The following DPF3 variants were observed in gnomAD, a reference collection of about 807,000 sequenced individuals.
DPF3 encodes the protein zinc finger protein DPF3.
DPF3 carries 18 observed loss-of-function variants against 56.8 expected under a neutral mutation model. The observed-to-expected ratio is 0.32, with a 90% CI of 0.22 to 0.47. The LOEUF (loss-of-function observed/expected upper bound fraction) is 0.47, where lower values mean the gene tolerates loss of function less well. Among genes scored for constraint, DPF3 ranks in the 20% least tolerant of loss-of-function variants. DPF3 has a pLI of 1.00. For synonymous variants in DPF3, 188 were observed against 180.2 expected (o/e 1.04, Z -0.35); for missense variants, 403 against 488.8 (o/e 0.82, Z 1.65).
Position 72,609,095 on chromosome 14 carries a change from G to T in DPF3, c.*10202C>A, listed in dbSNP as rs774205870. ...AAATTGCAGACAAAAGATTCACTAC[G>T]TGGGTAGTCAACATTGCTAACCAAT... On this transcript the variant is annotated 3_prime_UTR_variant, in exon 11 of 11. Transcript: ENST00000556509. Among the ~76,000 whole-genome samples, 2 of 152,184 alleles carry T rather than the reference G, an allele frequency of 1.3e-5. No homozygotes were observed. The highest frequency in any genetic ancestry group is 2.9e-5 in the Non-Finnish European group (2 of 68,034).
chr14:72,766,663 G>A (rs865793293), intron 2 of DPF3, among the ~76,000 whole-genome samples: 1 of 152,142 alleles, frequency 6.6e-6, no homozygotes, highest in Non-Finnish European at 1.5e-5. Context: ...TGTTGCTTAG[G>A]CTAGTTTCGA....
intron 8 of DPF3, among the ~76,000 whole-genome samples, chr14:72,645,133 A>G (rs1885680840): frequency 6.6e-6 from 1 of 152,218 alleles, no homozygotes. Flanking sequence ...TAAGCAGGTC[A>G]CTGGTCAGAT....
At chr14:72,710,067 T>C (rs1888587812) in intron 6 of DPF3, among the ~76,000 whole-genome samples, 2 of 152,234 alleles carry the variant, frequency 1.3e-5, no homozygotes, top group African/African-American at 4.8e-5. Flanking sequence ...GCTATGATGT[T>C]TCTTGAACAA....
intron 8 of DPF3, chr14:72,662,206 T>C (rs1227457213): frequency 1.0e-6 from 1 of 985,230 alleles, no homozygotes; most frequent in East Asian, 1.1e-4. Context: ...GAAATAAAAA[T>C]ACCTAAAGCA....
At chr14:72,799,275 C>G (rs1892770433) in intron 1 of DPF3, among the ~76,000 whole-genome samples, 1 of 152,182 alleles carries the variant, frequency 6.6e-6, no homozygotes, top group South Asian at 2.1e-4. Context: ...CCTCCATTTT[C>G]TACCTCTCCC....
chr14:72,892,396 C>T, intron 1 of DPF3: 2 of 1,511,308 alleles, frequency 1.3e-6, no homozygotes, highest in Non-Finnish European at 1.8e-6. Flanking sequence ...ATCCGAGCTT[C>T]CGAGCCAGAA....
rs374297513 is a variant in DPF3, at chr14:72,671,490, G to A, written c.871+2750C>T. On this transcript the variant is annotated intron_variant, in intron 8 of 10. Coordinates refer to ENST00000556509, the MANE Select transcript of DPF3 (RefSeq NM_001280542.3). ...TTAACCCGGTGCATCACCTGGTGAC[G>A]GGGATTTGGGACAAAGCAAACATTT... 230 of 1,091,258 alleles carry A rather than the reference G, an allele frequency of 2.1e-4. 3 individuals carry two copies. In the East Asian group the frequency reaches 2.9e-3, roughly 14 times the overall value. 67.6% of individuals were successfully genotyped at this position (1,091,258 alleles called of 1,614,324 possible).
intron 1 of DPF3, among the ~76,000 whole-genome samples, chr14:72,836,949 A>C (rs4903069): frequency 0.38 from 56,932 of 151,768 alleles, 11,076 homozygotes; most frequent in Admixed American, 0.44. Flanking sequence ...AGCTCACTGC[A>C]ACCTCCACCT....
intron 2 of DPF3, among the ~76,000 whole-genome samples, chr14:72,764,159 T>A (rs996890746): frequency 2.0e-5 from 3 of 151,390 alleles, no homozygotes; most frequent in African/African-American, 4.9e-5. Flanking sequence ...GCTGTACCTT[T>A]TAGCCCCAAC....
At chr14:72,803,660 C>T (rs1375795128) in intron 1 of DPF3, among the ~76,000 whole-genome samples, 1 of 152,196 alleles carries the variant, frequency 6.6e-6, no homozygotes, top group East Asian at 1.9e-4. Context: ...TGAATGCTGT[C>T]TTTTGTTTTC....
chr14:72,806,296 C>T (rs1183866284), intron 1 of DPF3, among the ~76,000 whole-genome samples: 3 of 152,184 alleles, frequency 2.0e-5, no homozygotes, highest in Non-Finnish European at 4.4e-5. Context: ...TCCTGCTGCT[C>T]AACCAACGTA....
At position 72,753,318 on chromosome 14, in the gene DPF3, T is replaced by C. The variant is rs933156802; in HGVS notation, c.247A>G (p.Arg83Gly). 5 of 1,613,610 alleles carry C rather than the reference T, an allele frequency of 3.1e-6. No homozygotes were observed. Among genetic ancestry groups the C allele is most frequent in the Non-Finnish European group, 4.2e-6 (5 of 1,179,832 alleles). Residue 83 changes from arginine (R) to glycine (G), a missense_variant, in exon 3 of 11, where the codon AGA (arginine) becomes GGA (glycine). Transcript: ENST00000556509. ...GGATCTTCAGGTGGGTGCAATCGTC[T>C]CTTCTTGCGCCAGCAGCGGGCAGGG... Reference protein sequence around the residue: ...TYPARCWRKKRRLHPPEDPKL... With the variant: ...TYPARCWRKKGRLHPPEDPKL...
intron 1 of DPF3, among the ~76,000 whole-genome samples, chr14:72,823,528 G>C (rs1198795242): frequency 6.6e-6 from 1 of 152,194 alleles, no homozygotes; most frequent in Non-Finnish European, 1.5e-5. Flanking sequence ...AAGGCGGCGA[G>C]GGGGAGCTCG....
At chr14:72,678,138 C>T (rs1385753149) in intron 7 of DPF3, among the ~76,000 whole-genome samples, 6 of 152,118 alleles carry the variant, frequency 3.9e-5, no homozygotes, top group East Asian at 3.9e-4. Flanking sequence ...GAGATTAAAG[C>T]GCTGGCTCCA....
At position 72,753,365 on chromosome 14, in the gene DPF3, G is replaced by A; in HGVS notation, c.200C>T (p.Ala67Val). ...MEKRHRGPGL[A>V]PGQLYTYPAR... ...AGGGTATGTATACAGCTGGCCCGGGGCAAGGCCTGTGGACAGAGACAATAT... is the reference window on the plus strand; with the variant it reads ...AGGGTATGTATACAGCTGGCCCGGGACAAGGCCTGTGGACAGAGACAATAT... Residue 67 changes from alanine to valine, a missense_variant, in exon 3 of 11, where the codon GCC becomes GTC. Transcript: ENST00000556509. 1 of 1,610,872 alleles carries A rather than the reference G, an allele frequency of 6.2e-7. No individual in the cohort carries two copies. Among genetic ancestry groups the A allele is most frequent in the Non-Finnish European group, 8.5e-7 (1 of 1,179,258 alleles).
intron 6 of DPF3, among the ~76,000 whole-genome samples, chr14:72,706,672 C>T (rs1888416243): frequency 6.6e-6 from 1 of 152,156 alleles, no homozygotes; most frequent in Non-Finnish European, 1.5e-5. Flanking sequence ...GCAGACCCAT[C>T]AGGCTCCTTG....
At chr14:72,686,571 C>G (rs143717395) in intron 7 of DPF3, among the ~76,000 whole-genome samples, 6 of 152,182 alleles carry the variant, frequency 3.9e-5, no homozygotes, top group Non-Finnish European at 8.8e-5. Context: ...ATGTAGATGA[C>G]CTTTGAGGCC....
chr14:72,768,790 GGA>G (rs775291977), intron 2 of DPF3, among the ~76,000 whole-genome samples: 2 of 152,146 alleles, frequency 1.3e-5, no homozygotes, highest in Admixed American at 6.5e-5. Flanking sequence ...TGACCTTAAA[GGA>G]GAGTAATTTG....
intron 8 of DPF3, among the ~76,000 whole-genome samples, chr14:72,653,290 T>C (rs1259342121): frequency 1.3e-5 from 2 of 152,218 alleles, no homozygotes; most frequent in African/African-American, 2.4e-5. Flanking sequence ...TTATTCAGCA[T>C]GTCAGGGAGG....
Sources: gnomAD v4.1 joint callset for allele counts (sites outside exome capture counted in the v4.1 genomes callset) on GRCh38, gnomAD v4.1.1 for gene constraint, MANE v1.5 for transcripts, NCBI Gene and HGNC (gene_info 2026-07-23, HGNC 2026-07-21) for gene names.